DOK7: variants seen among roughly 807,000 people sequenced by gnomAD.
DOK7 encodes protein Dok-7.
In DOK7, 32 loss-of-function variants were observed where a neutral mutation model predicts 30.7. The observed-to-expected ratio is 1.04, with a 90% CI of 0.79 to 1.40. DOK7 has a LOEUF of 1.40. DOK7 is among the 40% of genes most tolerant of loss of function. DOK7 has a pLI of 0.00. For missense variants in DOK7, 1,007 were observed against 699.2 expected, an observed-to-expected ratio of 1.44 and a Z score of -4.97; for synonymous variants, 447 against 324.1, an observed-to-expected ratio of 1.38 and a Z score of -4.07.
At chr4:3,471,684 G>A (rs972671297) in intron 2 of DOK7, among the ~76,000 whole-genome samples, 4 of 152,242 alleles carry the variant, frequency 2.6e-5, no homozygotes, top group Non-Finnish European at 4.4e-5. Context: ...GGCGAATTCC[G>A]ATTACGCCGC....
rs766823605 is a variant in DOK7, at chr4:3,493,021, C to G, written c.1035C>G (p.His345Gln). Residue 345 changes from histidine (H) to glutamine (Q), a missense_variant, in exon 7 of 7, where the codon CAC (histidine) becomes CAG (glutamine). Physicochemically the swap from His to Gln is conservative, Grantham distance 24. Coordinates refer to ENST00000340083, the MANE Select transcript of DOK7 (RefSeq NM_173660.5). ...SSDSGIATGS[H>Q]SSYSSSLSSY... The stretch of plus-strand genomic sequence containing the variant: ...ACAGCGGCATCGCCACTGGCAGCCA[C>G]TCCTCTTACTCCAGCAGCCTCTCGT... 3 of 1,568,706 alleles carry G rather than the reference C, an allele frequency of 1.9e-6. No individual in the cohort carries two copies. Among genetic ancestry groups the G allele is most frequent in the Non-Finnish European group, 1.7e-6 (2 of 1,162,036 alleles).
chr4:3,490,920 ATTCC>A (rs1263980942), intron 6 of DOK7, among the ~76,000 whole-genome samples: 41 of 99,644 alleles, frequency 4.1e-4, no homozygotes, highest in Admixed American at 1.1e-3. Context: ...CTGCTCATTC[ATTCC>A]TTCCTTCTTC....
At chr4:3,489,914 C>T (rs934845947) in intron 6 of DOK7, 118 bp downstream of exon 6, 68 of 1,429,486 alleles carry the variant, frequency 4.8e-5, no homozygotes, top group African/African-American at 4.5e-4. Context: ...TCATTCATTC[C>T]TTCTGTCTCC....
chr4:3,477,844 G>A (rs2109347336), intron 4 of DOK7, among the ~76,000 whole-genome samples: 1 of 152,050 alleles, frequency 6.6e-6, no homozygotes, highest in Non-Finnish European at 1.5e-5. Context: ...GTGGGGTGGG[G>A]GGTGGTTCCC....
chr4:3,477,161 G>A (rs1048291127), intron 4 of DOK7, among the ~76,000 whole-genome samples: 34 of 152,284 alleles, frequency 2.2e-4, no homozygotes, highest in African/African-American at 7.2e-4. Flanking sequence ...GGCTGTGCAG[G>A]AGCAGGTTGT....
chr4:3,466,348 G>A (rs1385877335), intron 2 of DOK7, among the ~76,000 whole-genome samples: 1 of 152,144 alleles, frequency 6.6e-6, no homozygotes, highest in East Asian at 1.9e-4. Flanking sequence ...GGAGCCGGGA[G>A]CCCCCTGGCA....
chr4:3,464,190 G>A (rs1726139103), intron 2 of DOK7, among the ~76,000 whole-genome samples: 1 of 152,196 alleles, frequency 6.6e-6, no homozygotes, highest in African/African-American at 2.4e-5. Context: ...CTGCTCCAGA[G>A]GACAGGTGCG....
rs745595733 is a variant in DOK7, at chr4:3,494,445, T to G, written c.*944T>G. The G allele has an allele frequency of 1.0e-6, 1 of 978,570 alleles. No homozygotes were observed. The highest frequency in any genetic ancestry group is 6.2e-5 in the Admixed American group (1 of 16,074). The allele number at this position is 978,570 out of a possible 1,614,324, so 60.6% of individuals were successfully genotyped here. ...GTCAGCTGTTTCTAAACCCAGACACTGTTTGTAATAGACTGGAAATAAAAT... is the reference window on the plus strand; with the variant it reads ...GTCAGCTGTTTCTAAACCCAGACACGGTTTGTAATAGACTGGAAATAAAAT... On this transcript the variant is annotated 3_prime_UTR_variant, in exon 7 of 7. Coordinates refer to ENST00000340083, the MANE Select transcript of DOK7 (RefSeq NM_173660.5).
chr4:3,481,430 C>A (rs151109837), intron 4 of DOK7, among the ~76,000 whole-genome samples: 1 of 149,488 alleles, frequency 6.7e-6, no homozygotes, highest in Non-Finnish European at 1.5e-5. Context: ...GGAGGAGGGC[C>A]GGCCCGGGAA....
chr4:3,500,501 G>A (rs1729137540), intron 7 of DOK7: 2 of 1,494,078 alleles, frequency 1.3e-6, no homozygotes, highest in South Asian at 2.5e-5. Context: ...CCCTTGGCCA[G>A]GGAGCTTTTC....
chr4:3,476,204 G>A lies in DOK7; in HGVS notation c.332-138G>A, dbSNP rs1371765098. On this transcript the variant is annotated intron_variant, in intron 3 of 6. Transcript: ENST00000340083. ...CCCTCGATGCCCTCTCACCTCACCC[G>A]CCCATGATGCCCTCTCGCCCCGCCT... 11 of 150,564 alleles carry A rather than the reference G, an allele frequency of 7.3e-5. No individual in the cohort carries two copies. The East Asian group carries it at 1.4e-3, about 19-fold the overall frequency. The allele number at this position is 150,564 out of a possible 1,614,324, so 9.3% of individuals were successfully genotyped here. A position where few individuals can be genotyped will look rare whatever the true frequency, so the allele number is the denominator to read the frequency against.
At chr4:3,498,143 A>T (rs1266087499), downstream of DOK7, among the ~76,000 whole-genome samples, 1 of 152,078 alleles carries the variant, frequency 6.6e-6, no homozygotes, top group Non-Finnish European at 1.5e-5. Context: ...CTGGGAGGAG[A>T]GTGCAGAAGG....
chr4:3,487,112 T>C (rs1727858021), intron 5 of DOK7, among the ~76,000 whole-genome samples: 1 of 152,088 alleles, frequency 6.6e-6, no homozygotes, highest in African/African-American at 2.4e-5. Context: ...CCACAGGACA[T>C]CTTTGTCAGA....
intron 2 of DOK7, among the ~76,000 whole-genome samples, chr4:3,465,823 G>A (rs529066875): frequency 1.7e-4 from 26 of 152,232 alleles, no homozygotes; most frequent in Admixed American, 1.4e-3. Context: ...CTCTGGGCAG[G>A]GCCCCGGGGG....
intron 2 of DOK7, among the ~76,000 whole-genome samples, chr4:3,468,867 ATGCCTG>A (rs1726539671): frequency 7.7e-6 from 1 of 129,236 alleles, no homozygotes; most frequent in African/African-American, 3.2e-5. Context: ...ATGAGTGTGC[ATGCCTG>A]TGTACGAGTG....
At chr4:3,486,990 C>G (rs914580601) in intron 5 of DOK7, among the ~76,000 whole-genome samples, 1 of 152,102 alleles carries the variant, frequency 6.6e-6, no homozygotes, top group Admixed American at 6.6e-5. Flanking sequence ...TTGCCTGGGA[C>G]AGCCACTAGA....
In DOK7 at chr4:3,473,460, G is replaced by A. The variant is rs201953114; in HGVS notation, c.155G>A (p.Arg52Gln). 1.6e-4 allele frequency: 265 copies of A among 1,611,122 alleles called. No homozygotes were observed. The highest frequency in any genetic ancestry group is 2.2e-4 in the Middle Eastern group (1 of 4,476). Residue 52 changes from arginine (R) to glutamine (Q), a missense_variant, in exon 3 of 7, where the codon CGG becomes CAG. Transcript: ENST00000340083. Reference protein sequence around the residue: ...KDKSERIKGLRERSSLTLEDI... With the variant: ...KDKSERIKGLQERSSLTLEDI... The stretch of plus-strand genomic sequence containing the variant: ...AAGTCGGAGCGTATCAAGGGCCTGC[G>A]GGAGCGCAGCAGCCTGACGCTAGAG...
intron 6 of DOK7, 60 bp from the exon 7 acceptor site, chr4:3,492,699 C>T (rs2109415677): frequency 6.2e-7 from 1 of 1,600,094 alleles, no homozygotes; most frequent in East Asian, 2.2e-5. Context: ...CAGGCATCAG[C>T]CACGTCCTGC....
Position 3,463,447 on chromosome 4 carries a change from G to A in DOK7, c.54+18G>A, listed in dbSNP as rs1192805137. The A allele has an allele frequency of 8.0e-6, 11 of 1,370,020 alleles. No homozygotes were observed. The highest frequency in any genetic ancestry group is 1.0e-5 in the Non-Finnish European group (11 of 1,072,358). 84.9% of individuals were successfully genotyped at this position (1,370,020 alleles called of 1,614,324 possible). A position where few individuals can be genotyped will look rare whatever the true frequency, so the allele number is the denominator to read the frequency against. On this transcript the variant is annotated intron_variant, in intron 1 of 6. Transcript: ENST00000340083. ...GCAAGAAGGTCGGGGCGCGTCGGGG[G>A]CGCGGGGGGGGGGGGCGCGGGCGCG...
Sources: gnomAD v4.1 joint callset for allele counts (sites outside exome capture counted in the v4.1 genomes callset) on GRCh38, gnomAD v4.1.1 for gene constraint, MANE v1.5 for transcripts, NCBI Gene and HGNC (gene_info 2026-07-23, HGNC 2026-07-21) for gene names.